The following MYOCD variants were observed in gnomAD, a reference collection of about 807,000 sequenced individuals.
MYOCD encodes myocardin.
In MYOCD, 32 loss-of-function variants were observed where a neutral mutation model predicts 96.1. The ratio of observed to expected loss-of-function variants is 0.33; its 90% confidence interval spans 0.25 to 0.45. The LOEUF (loss-of-function observed/expected upper bound fraction) is 0.45. MYOCD is among the 20% of genes least tolerant of loss of function. The probability of loss-of-function intolerance (pLI) is 1.00; values close to 1 mark genes in which losing one functional copy is unlikely to be tolerated. For missense variants in MYOCD, 1,133 were observed against 1,200.6 expected (o/e 0.94, Z 0.83); for synonymous variants, 469 against 469.0 (o/e 1.00, Z 0.00).
intron 1 of MYOCD, among the ~76,000 whole-genome samples, chr17:12,693,302 C>A (rs2030553942): frequency 1.3e-5 from 2 of 151,574 alleles, no homozygotes; most frequent in Admixed American, 6.6e-5. Flanking sequence ...TTTTTTAAAA[C>A]AAACAAACAA....
rs778569527 is a variant in MYOCD, at chr17:12,752,438, C to T, written c.1150C>T (p.Arg384Ter). 6.2e-7 allele frequency: 1 copy of T among 1,612,322 alleles called. No homozygotes were observed. The highest frequency in any genetic ancestry group is 8.5e-7 in the Non-Finnish European group (1 of 1,179,212). Residue 384 changes from arginine to a stop codon, truncating the protein, a stop_gained, in exon 10 of 14, where the codon CGA (arginine) becomes TGA (stop). Coordinates refer to ENST00000425538, the MANE Select transcript of MYOCD (RefSeq NM_001146312.3). LOFTEE classifies it high-confidence loss of function. ...LKVSELRQQLRIRGLPVSGTK... is the reference protein window; with the variant it reads ...LKVSELRQQL ...GGTCTCTGAATTAAGACAACAGCTT[C>T]GAATTCGGGGCTTGCCTGTGTCAGG...
rs16713 is a variant in MYOCD at position 12,715,310 on chromosome 17, C to CCT, written c.122-209_122-208insCT. ...TGCACATCCTGCCTCTGCTACTCCC[C>CCT]GTTTGAGGCTTCGATTCCACTTCCT... On this transcript the variant is annotated intron_variant, in intron 2 of 13. Coordinates refer to ENST00000425538, the MANE Select transcript of MYOCD (RefSeq NM_001146312.3). Among the ~76,000 whole-genome samples, 108,314 of 151,758 alleles carry CCT rather than the reference C, an allele frequency of 0.71. 39,006 individuals are homozygous for CCT. Among genetic ancestry groups the CCT allele is most frequent in the Non-Finnish European group, 0.76 (51,772 of 67,926 alleles).
chr17:12,666,597 A>G (rs1169423444), intron 1 of MYOCD, among the ~76,000 whole-genome samples: 1 of 152,246 alleles, frequency 6.6e-6, no homozygotes. Context: ...AGTATCGGTT[A>G]TAATCGCTGA....
At chr17:12,745,829 T>A in intron 8 of MYOCD, 90 bp from the exon 9 acceptor site, 1 of 1,370,804 alleles carries the variant, frequency 7.3e-7, no homozygotes, top group Non-Finnish European at 1.0e-6. Context: ...GCCTGACCCT[T>A]GCAGGCAATC....
chr17:12,755,507 G>A lies in MYOCD; in HGVS notation c.2059-907G>A, dbSNP rs149157951. 8.2e-3 allele frequency among the ~76,000 whole-genome samples: 1,243 copies of A among 151,960 alleles called. 4 individuals are homozygous for A. Among genetic ancestry groups the A allele is most frequent in the Non-Finnish European group, 0.013 (913 of 67,980 alleles). ...TGCCTGTAATCCCAGCACTTTGGAGGCCAAGCGAGTGGATCACAAGGTCAG... is the reference window on the plus strand; with the variant it reads ...TGCCTGTAATCCCAGCACTTTGGAGACCAAGCGAGTGGATCACAAGGTCAG... On this transcript the variant is annotated intron_variant, in intron 10 of 13. Transcript: ENST00000425538.
In MYOCD at chr17:12,763,254, C is replaced by T. The variant is rs745563085; in HGVS notation, c.2571C>T (p.Val857=). 1.1e-5 allele frequency: 18 copies of T among 1,613,870 alleles called. No homozygotes were observed. Among genetic ancestry groups the T allele is most frequent in the Admixed American group, 1.7e-5 (1 of 59,976 alleles). ...YATDSDEHLE[V]LLNSQSPLGK... ...CCGACAGTGATGAGCATCTTGAAGTCTTATTAAATTCCCAGAGCCCCCTAG... is the reference window on the plus strand; with the variant it reads ...CCGACAGTGATGAGCATCTTGAAGTTTTATTAAATTCCCAGAGCCCCCTAG... The change falls in exon 14 of 14, where the codon GTC becomes GTT. Residue 857 remains valine, a synonymous_variant. Transcript: ENST00000425538.
At chr17:12,743,486 C>CTTTT (rs373893604) in intron 7 of MYOCD, among the ~76,000 whole-genome samples, 30 of 98,312 alleles carry the variant, frequency 3.1e-4, no homozygotes, top group African/African-American at 7.3e-4. Flanking sequence ...TATGAAAGTT[C>CTTTT]TTTTTTTTTT....
chr17:12,677,195 C>A (rs1402146451), intron 1 of MYOCD, among the ~76,000 whole-genome samples: 1 of 152,082 alleles, frequency 6.6e-6, no homozygotes, highest in African/African-American at 2.4e-5. Flanking sequence ...AGTGGGAGCT[C>A]AGTGATGAGA....
intron 9 of MYOCD, among the ~76,000 whole-genome samples, chr17:12,750,083 C>A (rs537580144): frequency 2.0e-5 from 3 of 152,112 alleles, no homozygotes; most frequent in Non-Finnish European, 4.4e-5. Context: ...GTGATCCGCC[C>A]GCCTCGGCCT....
At position 12,752,572 on chromosome 17, in the gene MYOCD, C is replaced by T. The variant is rs1031475751; in HGVS notation, c.1284C>T (p.Asn428=). The change falls in exon 10 of 14, where the codon AAC becomes AAT. Residue 428 remains asparagine, a synonymous_variant. Coordinates refer to ENST00000425538, the MANE Select transcript of MYOCD (RefSeq NM_001146312.3). ...CTGTCACTTTTCCTGTCACACCCAA[C>T]ACGCTGCCCAATTACCAGTCTTCCT... ...ITTVTFPVTP[N]TLPNYQSSSS... 1 of 1,614,170 alleles carries T rather than the reference C, an allele frequency of 6.2e-7. No homozygotes were observed. Among genetic ancestry groups the T allele is most frequent in the Admixed American group, 1.7e-5 (1 of 60,024 alleles).
chr17:12,761,806 G>T (rs1277593210), intron 13 of MYOCD: 1 of 152,376 alleles, frequency 6.6e-6, no homozygotes, highest in Non-Finnish European at 1.5e-5. Flanking sequence ...TGTATGTTTA[G>T]TAGAGACGGG....
chr17:12,707,016 T>C (rs1392122546), intron 2 of MYOCD, among the ~76,000 whole-genome samples: 1 of 152,170 alleles, frequency 6.6e-6, no homozygotes, highest in Non-Finnish European at 1.5e-5. Context: ...TGTGGAAAAG[T>C]GTCCAAGTCA....
chr17:12,749,597 G>T (rs962137546), intron 9 of MYOCD, among the ~76,000 whole-genome samples: 4 of 145,980 alleles, frequency 2.7e-5, no homozygotes, highest in Non-Finnish European at 4.5e-5. Flanking sequence ...ATATATATGT[G>T]TGTATATATA....
chr17:12,723,003 T>G lies in MYOCD; in HGVS notation c.410T>G (p.Ile137Arg). 6.2e-7 allele frequency: 1 copy of G among 1,613,166 alleles called. No homozygotes were observed. The highest frequency in any genetic ancestry group is 8.5e-7 in the Non-Finnish European group (1 of 1,179,588). Reference protein sequence around the residue: ...LPVDSAVKEAIKGNQVSFSKS... With the variant: ...LPVDSAVKEARKGNQVSFSKS... ...GTGGATTCTGCTGTGAAAGAGGCCA[T>G]AAAAGGTAGTTAGAACAAATGGCAT... The change falls in exon 5 of 14, where the codon ATA becomes AGA. Residue 137 changes from isoleucine (I) to arginine (R), a missense_variant. Coordinates refer to ENST00000425538, the MANE Select transcript of MYOCD (RefSeq NM_001146312.3).
At chr17:12,754,510 A>G (rs1457938712) in intron 10 of MYOCD, among the ~76,000 whole-genome samples, 1 of 152,206 alleles carries the variant, frequency 6.6e-6, no homozygotes. Context: ...AAGGCAAACG[A>G]GAAATAGCAC....
intron 13 of MYOCD, 77 bp from the exon 14 acceptor site, chr17:12,762,996 T>TTAAAAA: frequency 1.6e-6 from 2 of 1,270,264 alleles, no homozygotes; most frequent in Admixed American, 4.2e-5. Flanking sequence ...CTTCTGTATC[T>TTAAAAA]AAGTGTAACT....
chr17:12,697,359 A>ATATATATATTTTTTT (rs1427225443), intron 1 of MYOCD, among the ~76,000 whole-genome samples: 1 of 75,736 alleles, frequency 1.3e-5, no homozygotes, highest in African/African-American at 6.0e-5. Context: ...ATATATATAT[A>ATATATATATTTTTTT]TTTTTTTTTT....
chr17:12,758,757 GA>G (rs1231764965), intron 12 of MYOCD, among the ~76,000 whole-genome samples: 1 of 152,038 alleles, frequency 6.6e-6, no homozygotes, highest in Non-Finnish European at 1.5e-5. Context: ...GTAAGAAAAA[GA>G]AAAAACAAGG....
chr17:12,722,799 C>G (rs745976135), intron 4 of MYOCD, 48 bp from the exon 5 acceptor site: 5 of 1,504,634 alleles, frequency 3.3e-6, no homozygotes, highest in African/African-American at 1.4e-5. Flanking sequence ...AAGAGAGAGA[C>G]AGAGACATCA....
Sources: allele counts gnomAD v4.1 joint callset (sites outside exome capture counted in the v4.1 genomes callset), GRCh38; gene constraint gnomAD v4.1.1; transcripts MANE v1.5; gene names NCBI Gene and HGNC (gene_info 2026-07-23, HGNC 2026-07-21).